The following FNDC3B variants were observed in gnomAD, a reference collection of about 807,000 sequenced individuals.
The protein encoded by FNDC3B is fibronectin type III domain containing 3B, also known as fibronectin type III domain-containing protein 3B.
Under a neutral mutation model 151.5 loss-of-function variants are expected in FNDC3B, and 12 were observed. The ratio of observed to expected loss-of-function variants is 0.08; its 90% CI spans 0.05 to 0.13. The LOEUF is 0.13. Among genes scored for constraint, FNDC3B ranks in the 10% least tolerant of loss-of-function variants. FNDC3B has a pLI of 1.00. For synonymous variants in FNDC3B, 528 were observed against 549.0 expected, an observed-to-expected ratio of 0.96 and a Z score of 0.54; for missense variants, 1,214 against 1,505.3, an observed-to-expected ratio of 0.81 and a Z score of 3.20.
At chr3:172,379,633 GC>G (rs34702956) in intron 24 of FNDC3B, among the ~76,000 whole-genome samples, 17,767 of 152,236 alleles carry the variant, frequency 0.12, 1,259 homozygotes, top group African/African-American at 0.21. Flanking sequence ...GGTCACTTTG[GC>G]AGTAAATGCC....
intron 3 of FNDC3B, chr3:172,134,406 G>A (rs752539991): frequency 3.3e-5 from 17 of 518,446 alleles, no homozygotes; most frequent in South Asian, 2.4e-4. Context: ...CAGTGACTGG[G>A]ATTATGGGGC....
intron 1 of FNDC3B, among the ~76,000 whole-genome samples, chr3:172,094,103 C>T (rs111985066): frequency 2.3e-4 from 6 of 26,214 alleles, no homozygotes; most frequent in African/African-American, 8.5e-4. Flanking sequence ...TCTAGAACAT[C>T]GGCATTGTGT....
rs1356107367 is a variant in FNDC3B at position 172,378,334 on chromosome 3, T to C, written c.3073T>C (p.Cys1025Arg). 1 of 1,613,862 alleles carries C rather than the reference T, an allele frequency of 6.2e-7. No homozygotes were observed. The highest frequency in any genetic ancestry group is 8.5e-7 in the Non-Finnish European group (1 of 1,179,938). The change falls in exon 24 of 26, where the codon TGC (cysteine) becomes CGC (arginine). Residue 1025 changes from cysteine (C) to arginine (R), a missense_variant. This residue lies in a region of FNDC3B where 284 missense variants were observed against 392.4 expected (regional missense o/e 0.72). Transcript: ENST00000415807. ...GGTCCAGAGACTGACGGAATTCACA[T>C]GCTACTCCTTCAGAATCCAGGCAGC... ...YKVQRLTEFT[C>R]YSFRIQAASE...
chr3:172,207,601 G>A (rs967287207), intron 3 of FNDC3B, among the ~76,000 whole-genome samples: 23 of 152,266 alleles, frequency 1.5e-4, no homozygotes, highest in South Asian at 2.1e-4. Context: ...GTCCATGGGC[G>A]GCCATGGGCG....
intron 25 of FNDC3B, among the ~76,000 whole-genome samples, chr3:172,387,876 C>G (rs1735800953): frequency 6.6e-6 from 1 of 152,160 alleles, no homozygotes; most frequent in African/African-American, 2.4e-5. Context: ...ATCTTTGGCT[C>G]AAGGACAAAG....
chr3:172,041,341 T>C (rs1168966103), intron 1 of FNDC3B, among the ~76,000 whole-genome samples: 1 of 151,570 alleles, frequency 6.6e-6, no homozygotes, highest in African/African-American at 2.4e-5. Context: ...GGAGAGGGAA[T>C]ATGCTTTTTA....
At chr3:172,365,860 TTA>T (rs1734597618) in intron 23 of FNDC3B, among the ~76,000 whole-genome samples, 1 of 152,212 alleles carries the variant, frequency 6.6e-6, no homozygotes, top group South Asian at 2.1e-4. Flanking sequence ...CGCTTCATAA[TTA>T]TCATATTAAA....
At chr3:172,320,804 T>C (rs1732045756) in intron 11 of FNDC3B, among the ~76,000 whole-genome samples, 1 of 152,178 alleles carries the variant, frequency 6.6e-6, no homozygotes, top group South Asian at 2.1e-4. Context: ...TGAGTTGTGT[T>C]CCTTAATGGG....
chr3:172,376,105 A>G (rs1288604629), intron 23 of FNDC3B, among the ~76,000 whole-genome samples: 4 of 152,258 alleles, frequency 2.6e-5, no homozygotes, highest in Admixed American at 2.6e-4. Context: ...TGTTTTTCAT[A>G]AATTGGAATG....
At chr3:172,262,437 A>G (rs1728692601) in intron 6 of FNDC3B, among the ~76,000 whole-genome samples, 1 of 152,212 alleles carries the variant, frequency 6.6e-6, no homozygotes, top group African/African-American at 2.4e-5. Context: ...AGCATGCATT[A>G]ATGTGATAAA....
chr3:172,151,435 G>A (rs9819700), intron 3 of FNDC3B, among the ~76,000 whole-genome samples: 113,851 of 152,022 alleles, frequency 0.75, 43,678 homozygotes, highest in Non-Finnish European at 0.79. Flanking sequence ...TTTACTTACC[G>A]TCTCCCCGAC....
intron 7 of FNDC3B, among the ~76,000 whole-genome samples, chr3:172,292,699 C>G (rs1345074466): frequency 2.6e-5 from 4 of 152,182 alleles, no homozygotes; most frequent in African/African-American, 4.8e-5. Context: ...TTTCCAGTAC[C>G]TAATGAGCCT....
intron 2 of FNDC3B, among the ~76,000 whole-genome samples, chr3:172,129,159 A>G (rs916777688): frequency 1.3e-5 from 2 of 152,148 alleles, no homozygotes. Flanking sequence ...TTTTGTAGAT[A>G]TGGAGTCTCA....
intron 25 of FNDC3B, among the ~76,000 whole-genome samples, chr3:172,389,759 G>T (rs1323802938): frequency 6.6e-6 from 1 of 151,998 alleles, no homozygotes; most frequent in African/African-American, 2.4e-5. Flanking sequence ...CCAGCTACTC[G>T]GGAGGCTGAG....
chr3:172,170,559 A>G (rs997437670), intron 3 of FNDC3B, among the ~76,000 whole-genome samples: 1 of 152,252 alleles, frequency 6.6e-6, no homozygotes, highest in African/African-American at 2.4e-5. Context: ...GAGAGAAGAA[A>G]AAGAGATACC....
intron 2 of FNDC3B, among the ~76,000 whole-genome samples, chr3:172,119,330 G>A (rs995065234): frequency 6.6e-6 from 1 of 150,744 alleles, no homozygotes; most frequent in African/African-American, 2.4e-5. Context: ...ATAAGGCACT[G>A]TTCTTGCCCT....
intron 3 of FNDC3B, among the ~76,000 whole-genome samples, chr3:172,177,360 G>C (rs938981522): frequency 6.6e-6 from 1 of 152,134 alleles, no homozygotes; most frequent in African/African-American, 2.4e-5. Flanking sequence ...CATTACGTTA[G>C]AGCTGCTTAG....
chr3:172,219,845 T>A (rs377047676), intron 3 of FNDC3B, among the ~76,000 whole-genome samples: 196 of 152,342 alleles, frequency 1.3e-3, no homozygotes, highest in African/African-American at 4.6e-3. Context: ...ATTTTATCCA[T>A]CCTTCTCCTG....
intron 1 of FNDC3B, among the ~76,000 whole-genome samples, chr3:172,097,021 T>G (rs1233344169): frequency 6.6e-6 from 1 of 152,224 alleles, no homozygotes; most frequent in Non-Finnish European, 1.5e-5. Flanking sequence ...TGAAGTCTTT[T>G]GTGCTAGTTA....
Sources: allele counts gnomAD v4.1 joint callset (sites outside exome capture counted in the v4.1 genomes callset), GRCh38; gene constraint gnomAD v4.1.1; regional missense constraint gnomAD v4.1.1; transcripts MANE v1.5; gene names NCBI Gene and HGNC (gene_info 2026-07-23, HGNC 2026-07-21).